SPMAP2L: variants seen among roughly 807,000 people sequenced by gnomAD.
SPMAP2L encodes the protein sperm microtubule associated protein 2 like.
chr4:56,585,277 A>T, the SPMAP2L span, among the ~76,000 whole-genome samples: 1 of 152,254 alleles, frequency 6.6e-6, no homozygotes, highest in African/African-American at 2.4e-5. Context: ...CTATTAGAAG[A>T]TAAGGCTTTC....
chr4:56,539,941 A>G, the SPMAP2L span, among the ~76,000 whole-genome samples: 12 of 152,220 alleles, frequency 7.9e-5, no homozygotes, highest in Non-Finnish European at 1.6e-4. Flanking sequence ...GGTAAGCTGC[A>G]TGACCTTGGA....
the SPMAP2L span, among the ~76,000 whole-genome samples, chr4:56,585,238 G>T: frequency 1.3e-5 from 2 of 152,148 alleles, no homozygotes; most frequent in East Asian, 1.9e-4. Context: ...TAGATTCTGG[G>T]TCTGGTTTTC....
the SPMAP2L span, among the ~76,000 whole-genome samples, chr4:56,537,087 T>C: frequency 6.6e-6 from 1 of 152,082 alleles, no homozygotes; most frequent in Non-Finnish European, 1.5e-5. Context: ...TATTATCTCA[T>C]TAAACCTCTA....
At chr4:56,606,561 T>G in the SPMAP2L span, among the ~76,000 whole-genome samples, 2 of 152,122 alleles carry the variant, frequency 1.3e-5, no homozygotes, top group East Asian at 3.9e-4. Flanking sequence ...ACCCTGGTGC[T>G]CCGGCTATTC....
At chr4:56,593,887 A>C in the SPMAP2L span, 14 of 1,610,228 alleles carry the variant, frequency 8.7e-6, no homozygotes, top group East Asian at 2.7e-4. Flanking sequence ...TTGCTAGGAG[A>C]GTACATAATG....
At chr4:56,619,672 A>G in the SPMAP2L span, among the ~76,000 whole-genome samples, 1 of 152,156 alleles carries the variant, frequency 6.6e-6, no homozygotes, top group Non-Finnish European at 1.5e-5. Context: ...CCACATCTTC[A>G]CAATATAACG....
chr4:56,532,104 G>T, the SPMAP2L span, among the ~76,000 whole-genome samples: 1 of 152,068 alleles, frequency 6.6e-6, no homozygotes, highest in Non-Finnish European at 1.5e-5. Context: ...ATTTCAACTG[G>T]TCACTTGGCA....
At chr4:56,600,097 C>CTTTCTTTTTTTTTTT in the SPMAP2L span, among the ~76,000 whole-genome samples, 1 of 87,782 alleles carries the variant, frequency 1.1e-5, no homozygotes, top group African/African-American at 5.1e-5. Flanking sequence ...TCTTTGCTTT[C>CTTTCTTTTTTTTTTT]TTTTTTTTTT....
At chr4:56,585,990 A>G in the SPMAP2L span, among the ~76,000 whole-genome samples, 1 of 152,216 alleles carries the variant, frequency 6.6e-6, no homozygotes, top group Non-Finnish European at 1.5e-5. Context: ...TAGTGGCATA[A>G]AACAACAATG....
At chr4:56,620,679 CCGA>C in the SPMAP2L span, among the ~76,000 whole-genome samples, 1 of 152,218 alleles carries the variant, frequency 6.6e-6, no homozygotes, top group Non-Finnish European at 1.5e-5. Flanking sequence ...GCCACCGCGC[CCGA>C]CATCCTTCTA....
chr4:56,585,864 T>A, the SPMAP2L span, among the ~76,000 whole-genome samples: 1 of 152,324 alleles, frequency 6.6e-6, no homozygotes, highest in East Asian at 1.9e-4. Flanking sequence ...ATTAATGCCT[T>A]TAAATCTAAT....
At chr4:56,586,335 G>T in the SPMAP2L span, among the ~76,000 whole-genome samples, 1 of 152,130 alleles carries the variant, frequency 6.6e-6, no homozygotes, top group African/African-American at 2.4e-5. Flanking sequence ...CCACGATTTT[G>T]CTGTATACTC....
the SPMAP2L span, among the ~76,000 whole-genome samples, chr4:56,555,568 T>A: frequency 5.3e-5 from 8 of 152,216 alleles, no homozygotes; most frequent in East Asian, 9.6e-4. Context: ...GATATCTTAA[T>A]ATTGAGTCTT....
the SPMAP2L span, among the ~76,000 whole-genome samples, chr4:56,556,860 G>C: frequency 2.3e-4 from 35 of 152,020 alleles, no homozygotes; most frequent in African/African-American, 8.0e-4. Flanking sequence ...GGGCGACTGA[G>C]AGAGACTCCA....
At chr4:56,623,209 G>C in the SPMAP2L span, among the ~76,000 whole-genome samples, 1 of 152,066 alleles carries the variant, frequency 6.6e-6, no homozygotes, top group Admixed American at 6.5e-5. Flanking sequence ...GCAAAGCCAG[G>C]CATGATCCTT....
chr4:56,624,162 G>C, the SPMAP2L span, among the ~76,000 whole-genome samples: 1 of 152,206 alleles, frequency 6.6e-6, no homozygotes, highest in Admixed American at 6.5e-5. Context: ...TTTTAGCAAA[G>C]AGACTGGCAG....
chr4:56,548,991 C>CTT, the SPMAP2L span, among the ~76,000 whole-genome samples: 17,185 of 139,330 alleles, frequency 0.12, 1,119 homozygotes, highest in East Asian at 0.2. Flanking sequence ...TTCTTTCTTT[C>CTT]TTTTTTTTTT....
At chr4:56,615,599 T>C in the SPMAP2L span, among the ~76,000 whole-genome samples, 5 of 152,068 alleles carry the variant, frequency 3.3e-5, no homozygotes, top group Non-Finnish European at 7.4e-5. Context: ...AATACAAAAA[T>C]TAGCTGGGCA....
At chr4:56,535,898 A>C in the SPMAP2L span, among the ~76,000 whole-genome samples, 1 of 152,210 alleles carries the variant, frequency 6.6e-6, no homozygotes, top group Non-Finnish European at 1.5e-5. Flanking sequence ...GTTTCGTGGA[A>C]GACAGTTTTT....
Sources: allele counts gnomAD v4.1 joint callset (sites outside exome capture counted in the v4.1 genomes callset), GRCh38; gene constraint gnomAD v4.1.1; transcripts MANE v1.5; gene names NCBI Gene and HGNC (gene_info 2026-07-23, HGNC 2026-07-21).